The following GPR85 variants were observed in gnomAD, a reference collection of about 807,000 sequenced individuals.
GPR85 encodes the protein G protein-coupled receptor 85.
GPR85 carries 7 observed loss-of-function variants against 21.3 expected under a neutral mutation model. That is an observed-to-expected ratio of 0.33 (90% confidence interval 0.19 to 0.62). GPR85 has a LOEUF of 0.62. GPR85 is among the 20% of genes least tolerant of loss of function. The pLI, the probability that GPR85 is intolerant of heterozygous loss-of-function variation, is 0.80. For missense variants in GPR85, 299 were observed against 443.8 expected, an observed-to-expected ratio of 0.67 and a Z score of 2.93; for synonymous variants, 167 against 166.1, an observed-to-expected ratio of 1.01 and a Z score of -0.04.
intron 2 of GPR85, among the ~76,000 whole-genome samples, chr7:113,085,102 T>C (rs1794239995): frequency 6.6e-6 from 1 of 152,212 alleles, no homozygotes; most frequent in Non-Finnish European, 1.5e-5. Flanking sequence ...TGTCCCTATT[T>C]TGGACAATAT....
Position 113,084,704 on chromosome 7 carries a change from A to T in GPR85, c.18T>A (p.His6Gln), listed in dbSNP as rs1308088434. The T allele has an allele frequency of 6.2e-7, 1 of 1,612,878 alleles. No homozygotes were observed. The highest frequency in any genetic ancestry group is 8.5e-7 in the Non-Finnish European group (1 of 1,179,218). ...GATTTTGCAAAATGTTGTCAGCTGC[A>T]TGGCTATAGTTCGCCATAGATGGAT... MANYSHAADNILQNLS... is the reference protein window; with the variant it reads MANYSQAADNILQNLS... The change falls in exon 3 of 3, where the codon CAT (histidine) becomes CAA (glutamine). Residue 6 changes from histidine to glutamine, a missense_variant. Around this residue, in one of 2 missense-constraint regions of GPR85, gnomAD observed 101 missense variants for 108.4 expected, o/e 0.93. Coordinates refer to ENST00000424100, the MANE Select transcript of GPR85 (RefSeq NM_001146267.2).
Position 113,083,472 on chromosome 7 carries a change from A to G in GPR85, c.*137T>C. ...ATAGGATTATAGGTGAACTATTGCA[A>G]AGACTGCAGAATGTTGCCCAAATCC... On this transcript the variant is annotated 3_prime_UTR_variant, in exon 3 of 3. Transcript: ENST00000424100. This position sits in a 1 kb window ranked among gnomAD's most constrained non-coding sequence, Gnocchi z 4.4. 1 of 773,532 alleles carries G rather than the reference A, an allele frequency of 1.3e-6. No individual in the cohort carries two copies. The highest frequency in any genetic ancestry group is 2.2e-6 in the Non-Finnish European group (1 of 463,014). The allele number at this position is 773,532 out of a possible 1,614,324, so 47.9% of individuals were successfully genotyped here. A position where few individuals can be genotyped will look rare whatever the true frequency, so the allele number is the denominator to read the frequency against.
At position 113,086,417 on chromosome 7, in the gene GPR85, G is replaced by GTTTTTTTTTTTTTTTTTTTTTTT. The variant is rs1794296050; in HGVS notation, c.-385_-384insAAAAAAAAAAAAAAAAAAAAAAA. On this transcript the variant is annotated 5_prime_UTR_variant, in exon 1 of 3. It removes the in-frame stop codon of an upstream open reading frame in the 5' UTR. Transcript: ENST00000424100. ...TTTTCTTTTTTTTTTTTTTTTTTTT[G>GTTTTTTTTTTTTTTTTTTTTTTT]TTTTTTGTTTTTTTTTTTTTTTTTT... The GTTTTTTTTTTTTTTTTTTTTTTT allele has an allele frequency of 3.0e-5, 2 of 66,650 alleles. No individual in the cohort carries two copies. The highest frequency in any genetic ancestry group is 1.2e-4 in the African/African-American group (2 of 16,240). The allele number at this position is 66,650 out of a possible 1,614,324, so 4.1% of individuals were successfully genotyped here.
rs759685862 is a variant in GPR85, at chr7:113,084,581, T to C, written c.141A>G (p.Lys47=). ...AAGGTGCTCTATGCAAGGTCTTATC[T>C]TTCACTAGCAAAATGGAGATCAGGA... ...GNLLISILLV[K]DKTLHRAPYY... is the part of the protein sequence containing the mutation. The change falls in exon 3 of 3, where the codon AAA becomes AAG. Residue 47 remains lysine, a synonymous_variant. Coordinates refer to ENST00000424100, the MANE Select transcript of GPR85 (RefSeq NM_001146267.2). 1.2e-6 allele frequency: 2 copies of C among 1,613,794 alleles called. No homozygotes were observed. The highest frequency in any genetic ancestry group is 2.7e-5 in the African/African-American group (2 of 74,914).
Position 113,086,193 on chromosome 7 carries a change from C to CACAG in GPR85, c.-288-85_-288-84insCTGT, listed in dbSNP as rs1474281823. On this transcript the variant is annotated intron_variant, in intron 1 of 2. Transcript: ENST00000424100. Reference sequence around the variant, plus strand: ...ACACACACACACACACACACACACACAGAGACACACACACACACACACACA... The same window carrying CACAG: ...ACACACACACACACACACACACACACACAGAGAGACACACACACACACACACACA... The CACAG allele has an allele frequency of 1.0e-4, 5 of 48,466 alleles. 1 individual carries two copies. The highest frequency in any genetic ancestry group is 3.0e-4 in the African/African-American group (5 of 16,904). The allele number at this position is 48,466 out of a possible 1,614,324, so 3.0% of individuals were successfully genotyped here. A position where few individuals can be genotyped will look rare whatever the true frequency, so the allele number is the denominator to read the frequency against.
At chr7:113,087,720 A>G (rs1311027711), upstream of GPR85, 1 of 152,302 alleles carries the variant, frequency 6.6e-6, no homozygotes, top group Admixed American at 6.5e-5. Context: ...AATCTTCTCT[A>G]CAGTAATAAT....
At position 113,084,052 on chromosome 7, in the gene GPR85, C is replaced by T. The variant is rs1346502733; in HGVS notation, c.670G>A (p.Val224Ile). The T allele has an allele frequency of 6.2e-7, 1 of 1,614,204 alleles. No homozygotes were observed. ...KMKPVQFVAA[V>I]SQNWTFHGPG... ...CCATGAAAAGTCCAGTTCTGGCTGACTGCTGCTACAAACTGGACTGGCTTC... is the reference window on the plus strand; with the variant it reads ...CCATGAAAAGTCCAGTTCTGGCTGATTGCTGCTACAAACTGGACTGGCTTC... Residue 224 changes from valine to isoleucine, a missense_variant, in exon 3 of 3, where the codon GTC becomes ATC. By Grantham distance (29) the Val-to-Ile change is conservative. Transcript: ENST00000424100.
upstream of GPR85, chr7:113,087,529 A>G (rs1794339704): frequency 6.5e-6 from 1 of 154,378 alleles, no homozygotes; most frequent in African/African-American, 2.4e-5. Flanking sequence ...GCATTTTCTT[A>G]TTTTACCATT....
rs1794295378 is a variant in GPR85 at position 113,086,416 on chromosome 7, T to C, written c.-383A>G. 3.9e-5 allele frequency: 3 copies of C among 77,578 alleles called. 1 individual carries two copies. The highest frequency in any genetic ancestry group is 1.8e-4 in the African/African-American group (3 of 16,704). 4.8% of individuals were successfully genotyped at this position (77,578 alleles called of 1,614,324 possible). A position where few individuals can be genotyped will look rare whatever the true frequency, so the allele number is the denominator to read the frequency against. On this transcript the variant is annotated 5_prime_UTR_variant, in exon 1 of 3. Transcript: ENST00000424100. ...TTTTTCTTTTTTTTTTTTTTTTTTT[T>C]GTTTTTTGTTTTTTTTTTTTTTTTT...
rs758793177 is a variant in GPR85 at position 113,084,311 on chromosome 7, C to T, written c.411G>A (p.Thr137=). 9.3e-6 allele frequency: 15 copies of T among 1,613,944 alleles called. No homozygotes were observed. The highest frequency in any genetic ancestry group is 8.0e-5 in the African/African-American group (6 of 74,906). Residue 137 remains threonine, a synonymous_variant, in exon 3 of 3, where the codon ACG becomes ACA. Transcript: ENST00000424100. ...ACACCATACAGATCACAGCCAGACA[C>T]GTCCAAAAGGTCAGCCTCTTTGTAT... ...RFYTKRLTFW[T]CLAVICMVWT...
At position 113,083,141 on chromosome 7, in the gene GPR85, C is replaced by G. The variant is rs937560180; in HGVS notation, c.*468G>C. ...TAGTGGATTACAGTACTTTAAGTCC[C>G]CAAATATTTTAGTCTTTGCAAAACA... On this transcript the variant is annotated 3_prime_UTR_variant, in exon 3 of 3. Coordinates refer to ENST00000424100, the MANE Select transcript of GPR85 (RefSeq NM_001146267.2). The surrounding 1 kb of genome is among the most constrained non-coding windows in gnomAD (Gnocchi z 4.4). 1 of 153,674 alleles carries G rather than the reference C, an allele frequency of 6.5e-6. No individual in the cohort carries two copies. Among genetic ancestry groups the G allele is most frequent in the Non-Finnish European group, 1.5e-5 (1 of 68,942 alleles). The allele number at this position is 153,674 out of a possible 1,614,324, so 9.5% of individuals were successfully genotyped here. A position where few individuals can be genotyped will look rare whatever the true frequency, so the allele number is the denominator to read the frequency against.
chr7:113,086,203 C>CAGAGAG (rs1323307921), intron 1 of GPR85, 94 bp from the exon 2 acceptor site: 1 of 24,448 alleles, frequency 4.1e-5, no homozygotes, highest in African/African-American at 5.6e-5. Context: ...CAGAGACACA[C>CAGAGAG]ACACACACAC....
rs1562996767 is a variant in GPR85 at position 113,086,398 on chromosome 7, T to TTTTTTTTTTTTTTTTTG, written c.-366_-365insCAAAAAAAAAAAAAAAA. On this transcript the variant is annotated 5_prime_UTR_variant, in exon 1 of 3. It removes the in-frame stop codon of an upstream open reading frame in the 5' UTR. Coordinates refer to ENST00000424100, the MANE Select transcript of GPR85 (RefSeq NM_001146267.2). ...GATTTTTTTCTTTTTTTCTTTTTCT[T>TTTTTTTTTTTTTTTTTG]TTTTTTTTTTTTTTTTTTGTTTTTT... 1.6e-3 allele frequency: 39 copies of TTTTTTTTTTTTTTTTTG among 24,834 alleles called. 6 individuals are homozygous for TTTTTTTTTTTTTTTTTG. The highest frequency in any genetic ancestry group is 3.9e-3 in the East Asian group (2 of 508). 1.5% of individuals were successfully genotyped at this position (24,834 alleles called of 1,614,324 possible).
chr7:113,083,767 C>G lies in GPR85; in HGVS notation c.955G>C (p.Gly319Arg), dbSNP rs759257521. 6.2e-7 allele frequency: 1 copy of G among 1,614,226 alleles called. No homozygotes were observed. The highest frequency in any genetic ancestry group is 8.5e-7 in the Non-Finnish European group (1 of 1,180,040). The part of the protein sequence containing the change: ...VFARGPVVPG[G>R]FLTAAVWMSF... The stretch of plus-strand genomic sequence containing the variant: ...ATCCAGACAGCAGCTGTTAGAAATC[C>G]CCCTGGTACTACAGGCCCTCTTGCA... The change falls in exon 3 of 3, where the codon GGA becomes CGA. Residue 319 changes from glycine (G) to arginine (R), a missense_variant. Gly to Arg is a moderately radical substitution (Grantham distance 125, BLOSUM62 -2). Around this residue, in one of 2 missense-constraint regions of GPR85, gnomAD observed 198 missense variants for 335.4 expected, o/e 0.59. Transcript: ENST00000424100. The surrounding 1 kb of genome is among the most constrained non-coding windows in gnomAD (Gnocchi z 4.4).
Position 113,084,148 on chromosome 7 carries a change from C to T in GPR85, c.574G>A (p.Ala192Thr). 6.2e-7 allele frequency: 1 copy of T among 1,614,100 alleles called. No homozygotes were observed. The highest frequency in any genetic ancestry group is 8.5e-7 in the Non-Finnish European group (1 of 1,180,004). ...AGCTGTGTGGCTAGGAGGATGAGAGCAAGAAGCAGCATAAATCCTAAGGAA... is the reference window on the plus strand; with the variant it reads ...AGCTGTGTGGCTAGGAGGATGAGAGTAAGAAGCAGCATAAATCCTAAGGAA... The part of the protein sequence containing the change: ...NDSLGFMLLL[A>T]LILLATQLVY... The change falls in exon 3 of 3, where the codon GCT (alanine) becomes ACT (threonine). Residue 192 changes from alanine (A) to threonine (T), a missense_variant. Ala to Thr is a moderately conservative substitution (Grantham distance 58). Around this residue, in one of 2 missense-constraint regions of GPR85, gnomAD observed 198 missense variants for 335.4 expected, o/e 0.59. Coordinates refer to ENST00000424100, the MANE Select transcript of GPR85 (RefSeq NM_001146267.2).
In GPR85 at chr7:113,086,430, T is replaced by TTTTTTTTTTTTTTTTTTTG. The variant is rs1794301281; in HGVS notation, c.-398_-397insCAAAAAAAAAAAAAAAAAA. The TTTTTTTTTTTTTTTTTTTG allele has an allele frequency of 1.9e-5, 2 of 106,548 alleles. No individual in the cohort carries two copies. Among genetic ancestry groups the TTTTTTTTTTTTTTTTTTTG allele is most frequent in the African/African-American group, 7.7e-5 (2 of 26,138 alleles). 6.6% of individuals were successfully genotyped at this position (106,548 alleles called of 1,614,324 possible). A position where few individuals can be genotyped will look rare whatever the true frequency, so the allele number is the denominator to read the frequency against. Reference sequence around the variant, plus strand: ...TTTTTTTTTTTTGTTTTTTGTTTTTTTTTTTTTTTTTTTTGCCTTAGTGCC... The same window carrying TTTTTTTTTTTTTTTTTTTG: ...TTTTTTTTTTTTGTTTTTTGTTTTTTTTTTTTTTTTTTTTTTTTGTTTTTTTTTTTTTTGCCTTAGTGCC... On this transcript the variant is annotated 5_prime_UTR_variant, in exon 1 of 3. An upstream open reading frame in the 5' UTR loses its in-frame stop. Transcript: ENST00000424100.
chr7:113,086,396 C>CTTTTTTTTTTTTTTTTTTGTTTTT lies in GPR85; in HGVS notation c.-364_-363insAAAAACAAAAAAAAAAAAAAAAAA, dbSNP rs1794283693. 1.7e-4 allele frequency: 8 copies of CTTTTTTTTTTTTTTTTTTGTTTTT among 48,078 alleles called. 1 individual carries two copies. The highest frequency in any genetic ancestry group is 6.7e-4 in the East Asian group (1 of 1,490). The allele number at this position is 48,078 out of a possible 1,614,324, so 3.0% of individuals were successfully genotyped here. On this transcript the variant is annotated 5_prime_UTR_variant, in exon 1 of 3. Transcript: ENST00000424100. ...CTGATTTTTTTCTTTTTTTCTTTTT[C>CTTTTTTTTTTTTTTTTTTGTTTTT]TTTTTTTTTTTTTTTTTTTTGTTTT...
rs1424689107 is a variant in GPR85 at position 113,086,498 on chromosome 7, G to A, written c.-465C>T. The A allele has an allele frequency of 7.6e-6, 1 of 131,036 alleles. No homozygotes were observed. The allele number at this position is 131,036 out of a possible 1,614,324, so 8.1% of individuals were successfully genotyped here. The stretch of plus-strand genomic sequence containing the variant: ...CAGGGCTCGGCGGCGCCTGCGCGCT[G>A]GAGCCTCCTTGAGCTCCAGCCGCGT... On this transcript the variant is annotated 5_prime_UTR_variant, in exon 1 of 3. The change creates a premature stop within an existing upstream ORF in the 5' untranslated region. Transcript: ENST00000424100.
At chr7:113,085,777 G>C (rs1317380319) in intron 2 of GPR85, among the ~76,000 whole-genome samples, 3 of 152,178 alleles carry the variant, frequency 2.0e-5, no homozygotes, top group Non-Finnish European at 4.4e-5. Flanking sequence ...TTCCCACCAA[G>C]CGTGTTTCTT....
Sources: allele counts gnomAD v4.1 joint callset (sites outside exome capture counted in the v4.1 genomes callset), GRCh38; gene constraint gnomAD v4.1.1; regional missense constraint gnomAD v4.1.1; non-coding constraint Gnocchi (gnomAD v3.1); transcripts MANE v1.5; gene names NCBI Gene and HGNC (gene_info 2026-07-23, HGNC 2026-07-21).